GRTP1: variants seen among roughly 807,000 people sequenced by gnomAD.
GRTP1 encodes the protein growth hormone-regulated TBC protein 1.
A neutral mutation model predicts 38.1 loss-of-function variants in GRTP1; 56 were observed. That is an observed-to-expected ratio of 1.47 (90% confidence interval 1.19 to 1.84). The LOEUF is 1.84. Ranked by LOEUF, GRTP1 falls within the 40% of genes most tolerant of loss-of-function variation. The pLI, the probability that GRTP1 is intolerant of heterozygous loss-of-function variation, is 0.00. For synonymous variants in GRTP1, 217 were observed against 189.5 expected, an observed-to-expected ratio of 1.14 and a Z score of -1.19; for missense variants, 506 against 453.9, an observed-to-expected ratio of 1.11 and a Z score of -1.04.
In GRTP1 at chr13:113,346,027, T is replaced by C. The variant is rs9577513; in HGVS notation, c.466-1068A>G. Among the ~76,000 whole-genome samples the C allele has an allele frequency of 1.8e-3, 90 of 50,696 alleles. 1 individual carries two copies. Among genetic ancestry groups the C allele is most frequent in the East Asian group, 0.016 (26 of 1,602 alleles). The allele number at this position is 50,696 out of a possible 152,430, so 33.3% of individuals were successfully genotyped here. A position where few individuals can be genotyped will look rare whatever the true frequency, so the allele number is the denominator to read the frequency against. ...GAGGACCTCTGCGGCTGAGCAGACC[T>C]GGGAAGACATCTGTGGCCGAGAGCA... On this transcript the variant is annotated intron_variant, in intron 4 of 7. Transcript: ENST00000375431.
intron 5 of GRTP1, among the ~76,000 whole-genome samples, chr13:113,328,547 TCTCA>T (rs1325819009): frequency 6.6e-6 from 1 of 152,044 alleles, no homozygotes; most frequent in African/African-American, 2.4e-5. Context: ...TGAGACAGGG[TCTCA>T]CTCTGTCGCC....
intron 4 of GRTP1, 171 bp from the exon 5 acceptor site, chr13:113,345,130 C>T (rs144697085): frequency 2.3e-5 from 6 of 265,424 alleles, no homozygotes; most frequent in South Asian, 1.4e-4. Flanking sequence ...AAATACCTAC[C>T]GTCTAGTAAT....
rs60925520 is a variant in GRTP1, at chr13:113,337,848, G to A, written c.562+7015C>T. On this transcript the variant is annotated intron_variant, in intron 5 of 7. Transcript: ENST00000375431. ...GCACCTCCGATGTGGCAATTGCGGC[G>A]CCAAGAGCCTCCCTCCACCCACCTC... 9.1e-3 allele frequency among the ~76,000 whole-genome samples: 1,384 copies of A among 152,366 alleles called. 25 individuals carry two copies. Among genetic ancestry groups the A allele is most frequent in the African/African-American group, 0.031 (1,302 of 41,592 alleles).
intron 5 of GRTP1, among the ~76,000 whole-genome samples, chr13:113,333,785 C>G (rs900467381): frequency 2.0e-5 from 3 of 151,084 alleles, no homozygotes; most frequent in Admixed American, 1.3e-4. Context: ...GCCACCACGC[C>G]CATCTCAGTG....
chr13:113,332,361 GTGCA>G (rs1444034887), intron 5 of GRTP1, among the ~76,000 whole-genome samples: 1 of 145,674 alleles, frequency 6.9e-6, no homozygotes, highest in African/African-American at 2.7e-5. Context: ...AGGTACACAC[GTGCA>G]CACGCACACC....
rs945940891 is a variant in GRTP1 at position 113,349,406 on chromosome 13, G to A, written c.465+1443C>T. ...GAGTCTTGCCACCTTGCCCAGGCTGGTGTATGCATTTTAATAAAGCTGTTT... is the reference window on the plus strand; with the variant it reads ...GAGTCTTGCCACCTTGCCCAGGCTGATGTATGCATTTTAATAAAGCTGTTT... On this transcript the variant is annotated intron_variant, in intron 4 of 7. Coordinates refer to ENST00000375431, the MANE Select transcript of GRTP1 (RefSeq NM_024719.4). This position sits in a 1 kb window ranked among gnomAD's most constrained non-coding sequence, Gnocchi z 5.0. Among the ~76,000 whole-genome samples, 1 of 152,198 alleles carries A rather than the reference G, an allele frequency of 6.6e-6. No homozygotes were observed. Among genetic ancestry groups the A allele is most frequent in the Non-Finnish European group, 1.5e-5 (1 of 68,042 alleles).
Position 113,326,020 on chromosome 13 carries a change from G to T in GRTP1, c.634C>A (p.Leu212Met), listed in dbSNP as rs142231417. The T allele has an allele frequency of 4.5e-4, 727 of 1,613,300 alleles. 5 individuals carry two copies. The East Asian group carries it at 0.016, about 35-fold the overall frequency. Reference protein sequence around the residue: ...EVLGELVRAKLPAVGALMERL... With the variant: ...EVLGELVRAKMPAVGALMERL... ...TCCATCAGGGCCCCCACAGCCGGCAGCTTCGCCCGCACCAGCTCCCCGAGG... is the reference window on the plus strand; with the variant it reads ...TCCATCAGGGCCCCCACAGCCGGCATCTTCGCCCGCACCAGCTCCCCGAGG... The change falls in exon 6 of 8, where the codon CTG becomes ATG. Residue 212 changes from leucine to methionine, a missense_variant. Physicochemically the swap from Leu to Met is conservative, Grantham distance 15. Transcript: ENST00000375431.
At chr13:113,344,465 G>A (rs1810668) in intron 5 of GRTP1, among the ~76,000 whole-genome samples, 109,153 of 152,068 alleles carry the variant, frequency 0.72, 42,589 homozygotes, top group Non-Finnish European at 0.87. Flanking sequence ...TGTAATCCCA[G>A]CACTTTGGGA....
At chr13:113,350,613 G>T (rs893666527) in intron 4 of GRTP1, among the ~76,000 whole-genome samples, 1 of 151,754 alleles carries the variant, frequency 6.6e-6, no homozygotes, top group Non-Finnish European at 1.5e-5. Flanking sequence ...CACAGCACTC[G>T]CCCTCTGTGT....
chr13:113,357,723 G>C (rs2043421433), intron 2 of GRTP1, among the ~76,000 whole-genome samples: 1 of 152,196 alleles, frequency 6.6e-6, no homozygotes, highest in Non-Finnish European at 1.5e-5. Flanking sequence ...GGAATGCTCT[G>C]AATGAGTTCT....
At chr13:113,333,239 G>T (rs565622683) in intron 5 of GRTP1, among the ~76,000 whole-genome samples, 1 of 152,294 alleles carries the variant, frequency 6.6e-6, no homozygotes, top group South Asian at 2.1e-4. Flanking sequence ...CGCACAGACC[G>T]AAGGGGCCCA....
intron 2 of GRTP1, among the ~76,000 whole-genome samples, chr13:113,363,264 A>G (rs542040926): frequency 6.8e-4 from 104 of 152,250 alleles, no homozygotes; most frequent in African/African-American, 2.2e-3. Context: ...CTGGAGTGCA[A>G]TGGCGCAATC....
At chr13:113,358,466 T>C (rs1442852782) in intron 2 of GRTP1, among the ~76,000 whole-genome samples, 2 of 152,178 alleles carry the variant, frequency 1.3e-5, no homozygotes, top group African/African-American at 4.8e-5. Flanking sequence ...TTGTAGACAA[T>C]GACAAGCTGA....
chr13:113,348,930 G>A lies in GRTP1; in HGVS notation c.465+1919C>T, dbSNP rs549793857. Among the ~76,000 whole-genome samples the A allele has an allele frequency of 6.6e-6, 1 of 152,336 alleles. No homozygotes were observed. Among genetic ancestry groups the A allele is most frequent in the African/African-American group, 2.4e-5 (1 of 41,580 alleles). On this transcript the variant is annotated intron_variant, in intron 4 of 7. Coordinates refer to ENST00000375431, the MANE Select transcript of GRTP1 (RefSeq NM_024719.4). The surrounding 1 kb of genome is among the most constrained non-coding windows in gnomAD (Gnocchi z 4.8). Reference sequence around the variant, plus strand: ...TGTGGCATTTCCTTAGGGGCCCACAGCAAGCTAACAGGTGCACATCTCCGC... The same window carrying A: ...TGTGGCATTTCCTTAGGGGCCCACAACAAGCTAACAGGTGCACATCTCCGC...
At chr13:113,328,918 C>A (rs2042815399) in intron 5 of GRTP1, among the ~76,000 whole-genome samples, 1 of 149,548 alleles carries the variant, frequency 6.7e-6, no homozygotes, top group African/African-American at 2.6e-5. Flanking sequence ...CCTTCCCCGC[C>A]CAGAAGCCTG....
chr13:113,360,951 AAC>A (rs1258583942), intron 2 of GRTP1, among the ~76,000 whole-genome samples: 1 of 151,966 alleles, frequency 6.6e-6, no homozygotes, highest in Non-Finnish European at 1.5e-5. Context: ...CTCTCCTAAA[AAC>A]ACAAAAATTA....
intron 5 of GRTP1, among the ~76,000 whole-genome samples, chr13:113,336,940 G>A (rs979817499): frequency 2.0e-4 from 30 of 152,218 alleles, no homozygotes; most frequent in African/African-American, 7.2e-4. Context: ...TAATGTTTCT[G>A]ATGTGCTTAT....
intron 7 of GRTP1, 155 bp downstream of exon 7, chr13:113,325,506 G>C (rs1470881441): frequency 6.7e-7 from 1 of 1,490,556 alleles, no homozygotes; most frequent in African/African-American, 1.4e-5. Context: ...GCCAGGCGCA[G>C]GGGGCAGATG....
chr13:113,325,550 T>G (rs775238627), intron 7 of GRTP1, 111 bp downstream of exon 7: 40 of 1,577,740 alleles, frequency 2.5e-5, no homozygotes, highest in Non-Finnish European at 3.4e-5. Flanking sequence ...CTGTGCCCTA[T>G]GCCCACTGGT....
Sources: allele counts gnomAD v4.1 joint callset (sites outside exome capture counted in the v4.1 genomes callset), GRCh38; gene constraint gnomAD v4.1.1; non-coding constraint Gnocchi (gnomAD v3.1); transcripts MANE v1.5; gene names NCBI Gene and HGNC (gene_info 2026-07-23, HGNC 2026-07-21).